Variants in DIXDC1 observed in about 807,000 individuals in gnomAD.
DIXDC1 encodes the protein dixin.
DIXDC1 carries 64 observed loss-of-function variants against 103.1 expected under a neutral mutation model. The observed-to-expected ratio is 0.62, with a 90% CI of 0.51 to 0.76. The LOEUF is 0.76. DIXDC1 is among the 30% of genes least tolerant of loss of function. The probability of loss-of-function intolerance (pLI) is 0.00; values close to 1 mark genes in which losing one functional copy is unlikely to be tolerated. For synonymous variants in DIXDC1, 266 were observed against 298.5 expected, an observed-to-expected ratio of 0.89 and a Z score of 1.12; for missense variants, 759 against 834.2, an observed-to-expected ratio of 0.91 and a Z score of 1.11.
At chr11:112,011,836 G>A (rs1555177232) in intron 17 of DIXDC1, among the ~76,000 whole-genome samples, 1 of 152,090 alleles carries the variant, frequency 6.6e-6, no homozygotes, top group Non-Finnish European at 1.5e-5. Flanking sequence ...ATAGCATTAG[G>A]AGAAATACCT....
At chr11:111,938,102 G>A (rs957917487) in intron 1 of DIXDC1, among the ~76,000 whole-genome samples, 3 of 152,208 alleles carry the variant, frequency 2.0e-5, no homozygotes, top group Non-Finnish European at 2.9e-5. Context: ...TTGTCTGAGA[G>A]GAGCTACTGA....
chr11:111,942,001 A>G (rs1966436749), intron 1 of DIXDC1, among the ~76,000 whole-genome samples: 1 of 152,142 alleles, frequency 6.6e-6, no homozygotes, highest in African/African-American at 2.4e-5. Context: ...TGGCGTCAAC[A>G]CTGGGCCAAT....
At chr11:111,989,792 C>CTT (rs1389169599) in intron 10 of DIXDC1, among the ~76,000 whole-genome samples, 7 of 143,038 alleles carry the variant, frequency 4.9e-5, no homozygotes, top group African/African-American at 1.3e-4. Flanking sequence ...CTAGAGGCAT[C>CTT]TTTTTTTTTT....
chr11:111,928,015 C>CAAAAAAAAAAAAA (rs782156043), intron 1 of DIXDC1, among the ~76,000 whole-genome samples: 1 of 68,766 alleles, frequency 1.5e-5, no homozygotes, highest in African/African-American at 5.8e-5. Context: ...GACTCCATCT[C>CAAAAAAAAAAAAA]AAAAAAAAAA....
At chr11:111,970,648 C>T (rs372292982) in intron 3 of DIXDC1, among the ~76,000 whole-genome samples, 1 of 144,562 alleles carries the variant, frequency 6.9e-6, no homozygotes, top group Non-Finnish European at 1.5e-5. Context: ...GGCAACAGAG[C>T]GAAACTCTAT....
At chr11:111,996,526 C>T (rs1390163540) in intron 17 of DIXDC1, among the ~76,000 whole-genome samples, 6 of 152,308 alleles carry the variant, frequency 3.9e-5, no homozygotes, top group Admixed American at 1.3e-4. Flanking sequence ...TGAAGCAAGG[C>T]GTTTAATTTC....
intron 10 of DIXDC1, among the ~76,000 whole-genome samples, chr11:111,991,722 A>G (rs1182322739): frequency 6.6e-6 from 1 of 152,218 alleles, no homozygotes. Context: ...TATTAAGATC[A>G]TAGGAAATTG....
intron 17 of DIXDC1, among the ~76,000 whole-genome samples, chr11:112,001,518 G>A (rs1272996163): frequency 6.6e-6 from 1 of 152,024 alleles, no homozygotes; most frequent in African/African-American, 2.4e-5. Context: ...TTCTGCCTAG[G>A]ATGTAGAAAG....
In DIXDC1 at chr11:112,019,624, G is replaced by T. The variant is rs1861695686; in HGVS notation, c.*588G>T. The T allele has an allele frequency of 6.5e-6, 1 of 152,762 alleles. No homozygotes were observed. Among genetic ancestry groups the T allele is most frequent in the Non-Finnish European group, 1.5e-5 (1 of 68,146 alleles). The allele number at this position is 152,762 out of a possible 1,614,324, so 9.5% of individuals were successfully genotyped here. A position where few individuals can be genotyped will look rare whatever the true frequency, so the allele number is the denominator to read the frequency against. ...TTGTTGCTTGGATGGAAAAAGGGCT[G>T]CCCATGTTGTGCTACACTATGCTAA... On this transcript the variant is annotated 3_prime_UTR_variant, in exon 20 of 20. Transcript: ENST00000440460.
intron 1 of DIXDC1, among the ~76,000 whole-genome samples, chr11:111,940,186 A>G (rs1011809005): frequency 2.6e-5 from 4 of 152,216 alleles, no homozygotes; most frequent in Admixed American, 2.6e-4. Context: ...ATCCTTTGCC[A>G]CTATGTATAG....
chr11:111,937,316 G>A, upstream of DIXDC1: 1 of 1,339,658 alleles, frequency 7.5e-7, no homozygotes, highest in East Asian at 3.0e-5. Flanking sequence ...GGAGGCCCCC[G>A]TGCGAGCATG....
At chr11:111,943,207 G>A (rs1316750648) in intron 1 of DIXDC1, among the ~76,000 whole-genome samples, 1 of 152,192 alleles carries the variant, frequency 6.6e-6, no homozygotes, top group African/African-American at 2.4e-5. Context: ...TGTGATCTCA[G>A]CTCACTGCAA....
At position 111,964,599 on chromosome 11, in the gene DIXDC1, G is replaced by A. The variant is rs781918281; in HGVS notation, c.111G>A (p.Arg37=). 3 of 1,611,282 alleles carry A rather than the reference G, an allele frequency of 1.9e-6. No homozygotes were observed. The South Asian group carries it at 3.3e-5, about 18-fold the overall frequency. ...GGGTGAATGCACAGCTGAAGAAGAGGCCAGCAGTGAAGCCTGTGCAGGACC... is the reference window on the plus strand; with the variant it reads ...GGGTGAATGCACAGCTGAAGAAGAGACCAGCAGTGAAGCCTGTGCAGGACC... ...VAWVNAQLKK[R]PAVKPVQDLR... The change falls in exon 2 of 20, where the codon AGG becomes AGA. Residue 37 remains arginine (R), a synonymous_variant. Coordinates refer to ENST00000440460, the MANE Select transcript of DIXDC1 (RefSeq NM_001037954.4).
At chr11:111,945,001 A>G (rs918861994) in intron 1 of DIXDC1, among the ~76,000 whole-genome samples, 1 of 152,198 alleles carries the variant, frequency 6.6e-6, no homozygotes, top group Non-Finnish European at 1.5e-5. Flanking sequence ...TTCGGTTACA[A>G]GTGCCAAAAA....
intron 7 of DIXDC1, 62 bp from the exon 8 acceptor site, chr11:111,985,170 C>A: frequency 7.4e-7 from 1 of 1,351,940 alleles, no homozygotes; most frequent in South Asian, 1.3e-5. Flanking sequence ...TTACCAAGTT[C>A]AACTCTGGAC....
In DIXDC1 at chr11:111,958,588, G is replaced by A. The variant is rs116982533; in HGVS notation, c.61-5961G>A. ...GAGGGGATGGTGTGGGCAGCTCAGCGCTGGTCTACACGTGCCCCTTGGCAC... is the reference window on the plus strand; with the variant it reads ...GAGGGGATGGTGTGGGCAGCTCAGCACTGGTCTACACGTGCCCCTTGGCAC... On this transcript the variant is annotated intron_variant, in intron 1 of 19. Coordinates refer to ENST00000440460, the MANE Select transcript of DIXDC1 (RefSeq NM_001037954.4). The surrounding 1 kb of genome is among the most constrained non-coding windows in gnomAD (Gnocchi z 4.2). Among the ~76,000 whole-genome samples, 2,470 of 152,302 alleles carry A rather than the reference G, an allele frequency of 0.016. 40 individuals are homozygous for A. Among genetic ancestry groups the A allele is most frequent in the Non-Finnish European group, 0.024 (1,624 of 68,022 alleles).
intron 2 of DIXDC1, 54 bp downstream of exon 2, chr11:111,964,732 C>A: frequency 6.6e-7 from 1 of 1,513,886 alleles, no homozygotes. Context: ...ATCTGGCCTT[C>A]TTTATCCTTC....
intron 7 of DIXDC1, among the ~76,000 whole-genome samples, chr11:111,982,911 T>A (rs587745299): frequency 6.6e-6 from 1 of 152,234 alleles, no homozygotes; most frequent in South Asian, 2.1e-4. Flanking sequence ...AGGTTTCCAT[T>A]TGAATTTAGC....
At chr11:112,005,404 A>G (rs1182974611) in intron 17 of DIXDC1, among the ~76,000 whole-genome samples, 1 of 152,070 alleles carries the variant, frequency 6.6e-6, no homozygotes, top group Non-Finnish European at 1.5e-5. Context: ...GCTTTGAAAT[A>G]CCTGAAGCAG....
Sources: allele counts gnomAD v4.1 joint callset (sites outside exome capture counted in the v4.1 genomes callset), GRCh38; gene constraint gnomAD v4.1.1; non-coding constraint Gnocchi (gnomAD v3.1); transcripts MANE v1.5; gene names NCBI Gene and HGNC (gene_info 2026-07-23, HGNC 2026-07-21).